Variants in HMGCS2 observed in about 807,000 individuals in gnomAD.
HMGCS2 encodes hydroxymethylglutaryl-CoA synthase, mitochondrial.
In HMGCS2, 50 loss-of-function variants were observed where a neutral mutation model predicts 57.4. That is an observed-to-expected ratio of 0.87 (90% CI 0.69 to 1.10). The LOEUF is 1.10. Ranked by LOEUF, HMGCS2 falls within the 50% of genes least tolerant of loss-of-function variation. The pLI is 0.00. For missense variants in HMGCS2, 627 were observed against 636.5 expected (o/e 0.99, Z 0.16); for synonymous variants, 254 against 245.1 (o/e 1.04, Z -0.34).
At chr1:119,756,649 A>G (rs1464538422) in intron 5 of HMGCS2, among the ~76,000 whole-genome samples, 2 of 152,244 alleles carry the variant, frequency 1.3e-5, no homozygotes, top group African/African-American at 4.8e-5. Flanking sequence ...GTATTAGTGT[A>G]GTGAATCAAT....
In HMGCS2 at chr1:119,755,524, A is replaced by G. The variant is rs1652807016; in HGVS notation, c.1090T>C (p.Phe364Leu). 6.2e-7 allele frequency: 1 copy of G among 1,614,086 alleles called. No individual in the cohort carries two copies. The highest frequency in any genetic ancestry group is 1.1e-5 in the South Asian group (1 of 91,078). The change falls in exon 6 of 10, where the codon TTC (phenylalanine) becomes CTC (leucine). Residue 364 changes from phenylalanine to leucine, a missense_variant. Coordinates refer to ENST00000369406, the MANE Select transcript of HMGCS2 (RefSeq NM_005518.4). ...KALLKASQDMFDKKTKASLYL... is the reference protein window; with the variant it reads ...KALLKASQDMLDKKTKASLYL... The stretch of plus-strand genomic sequence containing the variant: ...AGGGAAGCCTTGGTTTTCTTGTCGA[A>G]CATGTCCTGAGAGGCCTTTAGAAGT...
chr1:119,759,957 CA>C lies in HMGCS2; in HGVS notation c.591del (p.Ile197MetfsTer21). The C allele has an allele frequency of 6.2e-7, 1 of 1,613,966 alleles. No homozygotes were observed. Among genetic ancestry groups the C allele is most frequent in the Non-Finnish European group, 8.5e-7 (1 of 1,179,836 alleles). The part of the protein sequence containing the change: ...GRYAMVVCGD[I>X]AVYPSGNARP... ...CGAGCATTACCACTGGGATAGACGG[CA>C]ATGTCTCCACAGACCACCATGGCAT... On this transcript the variant is annotated frameshift_variant, in exon 3 of 10. Coordinates refer to ENST00000369406, the MANE Select transcript of HMGCS2 (RefSeq NM_005518.4). LOFTEE classifies it high-confidence loss of function.
chr1:119,754,283 C>T (rs1315674425), intron 6 of HMGCS2, among the ~76,000 whole-genome samples: 3 of 152,250 alleles, frequency 2.0e-5, no homozygotes, highest in Middle Eastern at 3.4e-3. Context: ...TCTCAAACTC[C>T]TGACCTCAGG....
In HMGCS2 at chr1:119,757,309, G is replaced by A. The variant is rs930829392; in HGVS notation, c.980C>T (p.Thr327Ile). Residue 327 changes from threonine to isoleucine, a missense_variant, in exon 5 of 10, where the codon ACA (threonine) becomes ATA (isoleucine). Physicochemically the swap from Thr to Ile is moderately conservative, Grantham distance 89. Transcript: ENST00000369406. ...FNDFLSASSDTQTSLYKGLEA... is the reference protein window; with the variant it reads ...FNDFLSASSDIQTSLYKGLEA... ...CAGCCCCTTATATAAGCTGGTTTGT[G>A]TGTCACTGCTGGCTGACAGGAAGTC... 4 of 1,614,066 alleles carry A rather than the reference G, an allele frequency of 2.5e-6. No homozygotes were observed. In the African/African-American group the frequency reaches 5.3e-5, roughly 22 times the overall value.
At chr1:119,751,092 T>A (rs1028330222) in intron 8 of HMGCS2, among the ~76,000 whole-genome samples, 184 bp from the exon 9 acceptor site, 5 of 152,174 alleles carry the variant, frequency 3.3e-5, no homozygotes, top group African/African-American at 1.2e-4. Context: ...GGGGCAGCCA[T>A]CTTGAATCTA....
chr1:119,755,539 C>A lies in HMGCS2; in HGVS notation c.1075G>T (p.Ala359Ser). The change falls in exon 6 of 10, where the codon GCC becomes TCC. Residue 359 changes from alanine (A) to serine (S), a missense_variant. Ala to Ser is a moderately conservative substitution (Grantham distance 99). Transcript: ENST00000369406. Reference sequence around the variant, plus strand: ...TTCTTGTCGAACATGTCCTGAGAGGCCTTTAGAAGTGCTTTATCCAGGTCC... The same window carrying A: ...TTCTTGTCGAACATGTCCTGAGAGGACTTTAGAAGTGCTTTATCCAGGTCC... Reference protein sequence around the residue: ...NKDLDKALLKASQDMFDKKTK... With the variant: ...NKDLDKALLKSSQDMFDKKTK... 6.2e-7 allele frequency: 1 copy of A among 1,614,074 alleles called. No individual in the cohort carries two copies. Among genetic ancestry groups the A allele is most frequent in the Non-Finnish European group, 8.5e-7 (1 of 1,180,020 alleles).
chr1:119,766,950 T>A (rs1353752126), intron 1 of HMGCS2, among the ~76,000 whole-genome samples: 1 of 152,246 alleles, frequency 6.6e-6, no homozygotes, highest in Non-Finnish European at 1.5e-5. Context: ...CTCTAAAGAA[T>A]GATCACTTTG....
Position 119,748,205 on chromosome 1 carries a change from T to A in HMGCS2, c.*642A>T, listed in dbSNP as rs1360760869. 1 of 152,218 alleles carries A rather than the reference T, an allele frequency of 6.6e-6. No homozygotes were observed. 9.4% of individuals were successfully genotyped at this position (152,218 alleles called of 1,614,324 possible). ...GGGGGAAGCTGTGTTCTACCGTTCT[T>A]ATTTGCCTTGTACCTGTCATAGCAC... is the stretch of plus-strand genomic sequence containing the variant. On this transcript the variant is annotated 3_prime_UTR_variant, in exon 10 of 10. Transcript: ENST00000369406.
At chr1:119,763,063 A>G (rs756534263) in intron 2 of HMGCS2, among the ~76,000 whole-genome samples, 4 of 152,152 alleles carry the variant, frequency 2.6e-5, no homozygotes, top group Non-Finnish European at 5.9e-5. Context: ...CTTTAAGAAC[A>G]GACTTGATGA....
chr1:119,751,717 T>C (rs1177034541), intron 8 of HMGCS2, among the ~76,000 whole-genome samples: 1 of 152,162 alleles, frequency 6.6e-6, no homozygotes, highest in Non-Finnish European at 1.5e-5. Context: ...TCCATTTTTA[T>C]TTTCATTGTC....
chr1:119,754,964 G>A (rs1284269277), intron 6 of HMGCS2, among the ~76,000 whole-genome samples: 2 of 152,048 alleles, frequency 1.3e-5, no homozygotes, highest in Non-Finnish European at 2.9e-5. Flanking sequence ...TTTGGTACGA[G>A]TTTCTTTCAT....
chr1:119,754,851 T>C (rs587653418), intron 6 of HMGCS2, among the ~76,000 whole-genome samples: 1 of 152,318 alleles, frequency 6.6e-6, no homozygotes, highest in South Asian at 2.1e-4. Flanking sequence ...AGCTACTGTT[T>C]TCTTGATGTG....
Position 119,755,576 on chromosome 1 carries a change from G to C in HMGCS2, c.1038C>G (p.Thr346=), listed in dbSNP as rs747485297. ...CTTTATCCAGGTCCTTGTTGGTGTA[G>C]GTGTCTTCCAGCTTTAGCCCCCTGT... The part of the protein sequence containing the change: ...EAFGGLKLED[T]YTNKDLDKAL... The change falls in exon 6 of 10, where the codon ACC becomes ACG. Residue 346 remains threonine, a synonymous_variant. Transcript: ENST00000369406. The C allele has an allele frequency of 6.2e-7, 1 of 1,614,114 alleles. No homozygotes were observed. The highest frequency in any genetic ancestry group is 1.7e-5 in the Admixed American group (1 of 60,006).
rs774514655 is a variant in HMGCS2, at chr1:119,764,605, G to C, written c.126C>G (p.Val42=). 5.0e-6 allele frequency: 8 copies of C among 1,613,718 alleles called. No homozygotes were observed. The highest frequency in any genetic ancestry group is 1.7e-5 in the Admixed American group (1 of 59,954). The change falls in exon 2 of 10, where the codon GTC becomes GTG. Residue 42 remains valine (V), a synonymous_variant. Transcript: ENST00000369406. Reference sequence around the variant, plus strand: ...GCCAAGTATCTGTTTTGGCCAGGGGGACAGCAGAGGCTGTAGAAAACCTGT... The same window carrying C: ...GCCAAGTATCTGTTTTGGCCAGGGGCACAGCAGAGGCTGTAGAAAACCTGT... ...AHQRFSTASA[V]PLAKTDTWPK...
intron 5 of HMGCS2, among the ~76,000 whole-genome samples, chr1:119,755,919 TC>T (rs1652825355): frequency 6.7e-6 from 1 of 149,758 alleles, no homozygotes; most frequent in African/African-American, 2.5e-5. Flanking sequence ...ATATTTTTTT[TC>T]CATGACATTC....
At chr1:119,755,072 A>G (rs959261024) in intron 6 of HMGCS2, among the ~76,000 whole-genome samples, 7 of 152,056 alleles carry the variant, frequency 4.6e-5, no homozygotes, top group African/African-American at 1.5e-4. Flanking sequence ...GTTGGAGTCC[A>G]ATGACACAAT....
chr1:119,750,361 G>T (rs1304374243), intron 9 of HMGCS2, among the ~76,000 whole-genome samples: 1 of 152,188 alleles, frequency 6.6e-6, no homozygotes, highest in East Asian at 1.9e-4. Context: ...TCACTCAACG[G>T]ATGCTCTGAA....
intron 8 of HMGCS2, among the ~76,000 whole-genome samples, chr1:119,751,558 T>C (rs1652661783): frequency 6.6e-6 from 1 of 151,522 alleles, no homozygotes; most frequent in African/African-American, 2.4e-5. Context: ...TTTTTTATTA[T>C]ATTCATATTT....
intron 2 of HMGCS2, among the ~76,000 whole-genome samples, chr1:119,760,333 T>C (rs1319971901): frequency 2.6e-5 from 4 of 152,180 alleles, no homozygotes; most frequent in Non-Finnish European, 5.9e-5. Flanking sequence ...TCCTAAATCA[T>C]AGAAGGTAAA....
Sources: allele counts gnomAD v4.1 joint callset (sites outside exome capture counted in the v4.1 genomes callset), GRCh38; gene constraint gnomAD v4.1.1; transcripts MANE v1.5; gene names NCBI Gene and HGNC (gene_info 2026-07-23, HGNC 2026-07-21).